Variants in PYGO1 observed in about 807,000 individuals in gnomAD.
The protein encoded by PYGO1 is pygopus family PHD finger 1.
In PYGO1, 6 loss-of-function variants were observed where a neutral mutation model predicts 29.5. The ratio of observed to expected loss-of-function variants is 0.20; its 90% CI spans 0.11 to 0.40. The LOEUF is 0.40. PYGO1 is among the 10% of genes least tolerant of loss of function. The pLI is 1.00. For missense variants in PYGO1, 515 were observed against 514.9 expected, an observed-to-expected ratio of 1.00 and a Z score of 0.00; for synonymous variants, 186 against 180.5, an observed-to-expected ratio of 1.03 and a Z score of -0.24.
At chr15:55,567,743 A>C (rs1308265174) in intron 1 of PYGO1, among the ~76,000 whole-genome samples, 1 of 152,090 alleles carries the variant, frequency 6.6e-6, no homozygotes, top group Non-Finnish European at 1.5e-5. Context: ...GAGGCCTTAG[A>C]TTTAAATCTA....
intron 1 of PYGO1, among the ~76,000 whole-genome samples, chr15:55,567,415 C>T (rs1342831454): frequency 1.3e-5 from 2 of 151,464 alleles, no homozygotes; most frequent in African/African-American, 4.8e-5. Context: ...CCTTTGTTGC[C>T]CAAGCTGGTC....
chr15:55,565,989 GC>G (rs1386859717), intron 1 of PYGO1, among the ~76,000 whole-genome samples: 2 of 152,152 alleles, frequency 1.3e-5, no homozygotes, highest in Non-Finnish European at 2.9e-5. Flanking sequence ...TACCATGTTG[GC>G]CAAGTTGGTC....
intron 1 of PYGO1, among the ~76,000 whole-genome samples, chr15:55,583,717 A>G (rs1266772015): frequency 6.6e-6 from 1 of 152,126 alleles, no homozygotes; most frequent in East Asian, 1.9e-4. Flanking sequence ...TATGTTGCCC[A>G]GGCTGGTGTC....
At chr15:55,568,847 T>C (rs561649898) in intron 1 of PYGO1, among the ~76,000 whole-genome samples, 11 of 152,322 alleles carry the variant, frequency 7.2e-5, no homozygotes, top group African/African-American at 2.6e-4. Flanking sequence ...ATTAAGATGA[T>C]TATATGATTT....
intron 1 of PYGO1, among the ~76,000 whole-genome samples, chr15:55,586,577 C>T (rs952950235): frequency 2.3e-4 from 35 of 152,228 alleles, no homozygotes. Flanking sequence ...TACTCCTTAG[C>T]CCCTGTCACA....
intron 1 of PYGO1, among the ~76,000 whole-genome samples, chr15:55,560,787 C>A (rs76296275): frequency 1.3e-5 from 2 of 151,990 alleles, no homozygotes; most frequent in East Asian, 1.9e-4. Context: ...ATGGTGAAAC[C>A]CTGTCTCTAC....
At chr15:55,586,136 ATGACTGTGGTCCTTCATCTCT>A (rs1417537494) in intron 1 of PYGO1, among the ~76,000 whole-genome samples, 4 of 152,196 alleles carry the variant, frequency 2.6e-5, no homozygotes, top group Non-Finnish European at 4.4e-5. Context: ...ACAAAAATGA[ATGACTGTGGTCCTTCATCTCT>A]ACATCACTTA....
In PYGO1 at chr15:55,550,897, G is replaced by A. The variant is rs2058876037; in HGVS notation, c.50-1902C>T. ...GATCCCCAACCTTTTTGACACCAGGGACCAGTGGTGGGGGATGGGAGGTGG... is the reference window on the plus strand; with the variant it reads ...GATCCCCAACCTTTTTGACACCAGGAACCAGTGGTGGGGGATGGGAGGTGG... On this transcript the variant is annotated intron_variant, in intron 1 of 2. Transcript: ENST00000563719. Among the ~76,000 whole-genome samples the A allele has an allele frequency of 2.0e-5, 3 of 152,142 alleles. 1 individual carries two copies. The South Asian group carries it at 6.2e-4, about 31-fold the overall frequency.
At chr15:55,558,897 G>GCACTATTCA (rs2058919916) in intron 1 of PYGO1, among the ~76,000 whole-genome samples, 2 of 151,718 alleles carry the variant, frequency 1.3e-5, no homozygotes, top group South Asian at 4.2e-4. Context: ...GAAAACCTAG[G>GCACTATTCA]CAATACCATT....
Position 55,569,906 on chromosome 15 carries a change from T to C in PYGO1, c.49+17929A>G, listed in dbSNP as rs545012813. 6.6e-5 allele frequency among the ~76,000 whole-genome samples: 10 copies of C among 152,312 alleles called. No individual in the cohort carries two copies. The East Asian group carries it at 9.6e-4, about 15-fold the overall frequency. On this transcript the variant is annotated intron_variant, in intron 1 of 2. Transcript: ENST00000563719. ...TGCCAGGTCACCAAGGAATTCCTGATTTTGTACACAACCAGATTTAAAATG... is the reference window on the plus strand; with the variant it reads ...TGCCAGGTCACCAAGGAATTCCTGACTTTGTACACAACCAGATTTAAAATG...
chr15:55,568,074 C>T (rs1050371043), intron 1 of PYGO1, among the ~76,000 whole-genome samples: 2 of 151,944 alleles, frequency 1.3e-5, no homozygotes, highest in Non-Finnish European at 2.9e-5. Context: ...TTTTTGGTTC[C>T]GTATGAATTT....
At chr15:55,588,677 C>A (rs1595999145), upstream of PYGO1, 25 of 1,009,314 alleles carry the variant, frequency 2.5e-5, no homozygotes, top group East Asian at 7.1e-4. Flanking sequence ...GGCCCGAGAA[C>A]GCCCGACCCC....
intron 1 of PYGO1, among the ~76,000 whole-genome samples, chr15:55,570,732 T>C (rs1463796043): frequency 6.6e-6 from 1 of 152,172 alleles, no homozygotes; most frequent in Non-Finnish European, 1.5e-5. Context: ...TTTTATGTAA[T>C]AAAATGCATC....
At chr15:55,560,370 A>C (rs192867035) in intron 1 of PYGO1, among the ~76,000 whole-genome samples, 4 of 152,240 alleles carry the variant, frequency 2.6e-5, no homozygotes, top group African/African-American at 9.6e-5. Flanking sequence ...AATTGCAAGC[A>C]TTACTATACA....
intron 1 of PYGO1, among the ~76,000 whole-genome samples, chr15:55,585,119 T>C (rs1364300784): frequency 6.6e-6 from 1 of 152,242 alleles, no homozygotes; most frequent in Non-Finnish European, 1.5e-5. Flanking sequence ...TTTTGCCATA[T>C]CTGAGTTCTA....
rs2058899163 is a variant in PYGO1 at position 55,555,305 on chromosome 15, A to G, written c.50-6310T>C. Among the ~76,000 whole-genome samples the G allele has an allele frequency of 2.6e-5, 4 of 151,888 alleles. No individual in the cohort carries two copies. The South Asian group carries it at 8.3e-4, about 32-fold the overall frequency. On this transcript the variant is annotated intron_variant, in intron 1 of 2. Coordinates refer to ENST00000563719, the MANE Select transcript of PYGO1 (RefSeq NM_001367806.1). ...AATAAGATCGTTTTCAGATAAGCAA[A>G]CCCTGAGGGAATTCGTCACCACTGA...
intron 1 of PYGO1, among the ~76,000 whole-genome samples, chr15:55,567,300 T>C (rs1377681381): frequency 7.5e-6 from 1 of 132,998 alleles, no homozygotes; most frequent in Admixed American, 9.2e-5. Flanking sequence ...CTCAAACTCC[T>C]GGGCTCAAGA....
chr15:55,575,718 G>A (rs866292183), intron 1 of PYGO1, among the ~76,000 whole-genome samples: 3 of 152,168 alleles, frequency 2.0e-5, no homozygotes, highest in African/African-American at 4.8e-5. Flanking sequence ...CTAGTTTGTA[G>A]TATTTCCAAC....
chr15:55,569,044 T>C (rs2058969266), intron 1 of PYGO1, among the ~76,000 whole-genome samples: 1 of 152,028 alleles, frequency 6.6e-6, no homozygotes, highest in Non-Finnish European at 1.5e-5. Flanking sequence ...TACTGGCCTA[T>C]AGCTTTCTTT....
Sources: allele counts gnomAD v4.1 joint callset (sites outside exome capture counted in the v4.1 genomes callset), GRCh38; gene constraint gnomAD v4.1.1; transcripts MANE v1.5; gene names NCBI Gene and HGNC (gene_info 2026-07-23, HGNC 2026-07-21).